The following XIRP2 variants were observed in gnomAD, a reference collection of about 807,000 sequenced individuals.
XIRP2 encodes xin actin binding repeat containing 2.
A neutral mutation model predicts 277.0 loss-of-function variants in XIRP2; 236 were observed. That is an observed-to-expected ratio of 0.85 (90% CI 0.77 to 0.95). The LOEUF is 0.95. Ranked by LOEUF, XIRP2 falls within the 40% of genes least tolerant of loss-of-function variation. XIRP2 has a pLI of 0.00. For synonymous variants in XIRP2, 1,490 were observed against 1,416.5 expected (o/e 1.05, Z -1.17); for missense variants, 4,640 against 4,157.5 (o/e 1.12, Z -3.19).
chr2:167,244,561 T>C lies in XIRP2; in HGVS notation c.3169T>C (p.Trp1057Arg). The C allele has an allele frequency of 1.9e-6, 3 of 1,612,920 alleles. No individual in the cohort carries two copies. Among genetic ancestry groups the C allele is most frequent in the Non-Finnish European group, 1.7e-6 (2 of 1,179,552 alleles). ...IQTGNVKSAK[W>R]LFETQPLDSI... ...GACTGGAAATGTGAAATCTGCCAAA[T>C]GGTTGTTTGAAACCCAACCTCTTGA... Residue 1057 changes from tryptophan to arginine, a missense_variant, in exon 9 of 11, where the codon TGG becomes CGG. Transcript: ENST00000409195.
intron 3 of XIRP2, among the ~76,000 whole-genome samples, chr2:167,186,829 C>A (rs1205030649): frequency 6.7e-6 from 1 of 150,260 alleles, no homozygotes; most frequent in Non-Finnish European, 1.5e-5. Context: ...TTTAACTAAA[C>A]CAGCACAGCC....
chr2:167,246,555 G>C lies in XIRP2; in HGVS notation c.5163G>C (p.Leu1721Phe). 6.2e-7 allele frequency: 1 copy of C among 1,613,700 alleles called. No individual in the cohort carries two copies. Among genetic ancestry groups the C allele is most frequent in the Non-Finnish European group, 8.5e-7 (1 of 1,179,794 alleles). Residue 1721 changes from leucine to phenylalanine, a missense_variant, in exon 9 of 11, where the codon TTG becomes TTC. By Grantham distance (22) the Leu-to-Phe change is conservative. Coordinates refer to ENST00000409195, the MANE Select transcript of XIRP2 (RefSeq NM_152381.6). ...GDVKRTIHNL[L>F]SSTSNNKISE... ...TCAAACGTACCATTCATAATTTATTGTCTTCCACATCAAACAATAAAATAT... is the reference window on the plus strand; with the variant it reads ...TCAAACGTACCATTCATAATTTATTCTCTTCCACATCAAACAATAAAATAT...
intron 3 of XIRP2, among the ~76,000 whole-genome samples, chr2:167,146,491 ACT>A (rs1449741397): frequency 6.7e-6 from 1 of 150,152 alleles, no homozygotes; most frequent in Non-Finnish European, 1.5e-5. Flanking sequence ...ACAGAACAAG[ACT>A]CTGTCTCAAA....
chr2:167,234,944 A>T (rs1463605944), intron 5 of XIRP2, among the ~76,000 whole-genome samples: 1 of 151,936 alleles, frequency 6.6e-6, no homozygotes, highest in South Asian at 2.1e-4. Flanking sequence ...CCATTAACTC[A>T]GTGAATAACA....
Position 166,903,859 on chromosome 2 carries a change from GT to G in XIRP2, c.378del (p.Ser126ArgfsTer36). Reference protein sequence around the residue: ...ELRSVFEAPKSGNKPAEYGGK... With the variant: ...ELRSVFEAPKXGNKPAEYGGK... ...AGGAGTGTGTTTGAGGCTCCTAAGA[GT>G]GGAAACAAACCAGCTGAGTACGGTG... is the stretch of plus-strand genomic sequence containing the variant. On this transcript the variant is annotated frameshift_variant, in exon 2 of 11. Coordinates refer to ENST00000409195, the MANE Select transcript of XIRP2 (RefSeq NM_152381.6). LOFTEE classifies it high-confidence loss of function. 2 of 1,613,512 alleles carry G rather than the reference GT, an allele frequency of 1.2e-6. No individual in the cohort carries two copies. Among genetic ancestry groups the G allele is most frequent in the Non-Finnish European group, 1.7e-6 (2 of 1,179,620 alleles).
intron 2 of XIRP2, among the ~76,000 whole-genome samples, chr2:167,011,111 G>A (rs1403464987): frequency 6.7e-6 from 1 of 149,300 alleles, no homozygotes; most frequent in Non-Finnish European, 1.5e-5. Flanking sequence ...ACACTATGTT[G>A]AATAGGAGTG....
intron 2 of XIRP2, among the ~76,000 whole-genome samples, chr2:167,047,954 C>G (rs1688827142): frequency 6.6e-6 from 1 of 151,898 alleles, no homozygotes; most frequent in Non-Finnish European, 1.5e-5. Context: ...ACCAAACTCA[C>G]CTCAATATTA....
chr2:167,251,879 A>G lies in XIRP2; in HGVS notation c.10487A>G (p.Tyr3496Cys), dbSNP rs1361923866. 2 of 1,606,432 alleles carry G rather than the reference A, an allele frequency of 1.2e-6. No homozygotes were observed. Among genetic ancestry groups the G allele is most frequent in the East Asian group, 2.2e-5 (1 of 44,832 alleles). Residue 3496 changes from tyrosine (Y) to cysteine (C), a missense_variant, in exon 9 of 11, where the codon TAT (tyrosine) becomes TGT (cysteine). Physicochemically the swap from Tyr to Cys is radical, Grantham distance 194 (BLOSUM62 -2). Transcript: ENST00000409195. ...ESGRVFKGLGYATADASATEM... is the reference protein window; with the variant it reads ...ESGRVFKGLGCATADASATEM... The stretch of plus-strand genomic sequence containing the variant: ...GGAAGAGTTTTTAAAGGCCTGGGAT[A>G]TGCAACCGCAGATGCTTCTGCAACT...
chr2:166,922,211 G>T (rs1459110762), intron 2 of XIRP2, among the ~76,000 whole-genome samples: 1 of 152,056 alleles, frequency 6.6e-6, no homozygotes, highest in Admixed American at 6.6e-5. Context: ...CTTCCCTGTT[G>T]CATTGACCCT....
At chr2:167,211,487 CAA>C (rs2105390339) in intron 4 of XIRP2, among the ~76,000 whole-genome samples, 1 of 152,282 alleles carries the variant, frequency 6.6e-6, no homozygotes, top group African/African-American at 2.4e-5. Context: ...GGTGAGGAAT[CAA>C]AGAGACAATT....
chr2:166,973,464 T>G (rs1686628540), intron 2 of XIRP2, among the ~76,000 whole-genome samples: 1 of 152,156 alleles, frequency 6.6e-6, no homozygotes, highest in African/African-American at 2.4e-5. Context: ...CACAGATGAG[T>G]GCACTGAAAC....
chr2:167,135,138 T>G (rs969701704), intron 2 of XIRP2, among the ~76,000 whole-genome samples: 4 of 152,132 alleles, frequency 2.6e-5, no homozygotes, highest in Non-Finnish European at 4.4e-5. Flanking sequence ...AAACTAGACT[T>G]TTGCTTCTTG....
chr2:167,233,731 T>A (rs1207731548), intron 5 of XIRP2, among the ~76,000 whole-genome samples: 2 of 151,782 alleles, frequency 1.3e-5, no homozygotes, highest in Non-Finnish European at 3.0e-5. Context: ...AAACTTTTTA[T>A]CTGTAATTTC....
At chr2:166,898,264 C>T (rs2105331677) in intron 1 of XIRP2, among the ~76,000 whole-genome samples, 1 of 152,170 alleles carries the variant, frequency 6.6e-6, no homozygotes, top group South Asian at 2.1e-4. Flanking sequence ...AGCTATTTAT[C>T]AAGGAACATA....
At position 167,250,456 on chromosome 2, in the gene XIRP2, A is replaced by G. The variant is rs755925445; in HGVS notation, c.9064A>G (p.Met3022Val). 12 of 1,613,318 alleles carry G rather than the reference A, an allele frequency of 7.4e-6. No individual in the cohort carries two copies. Among genetic ancestry groups the G allele is most frequent in the Middle Eastern group, 1.6e-4 (1 of 6,078 alleles). The change falls in exon 9 of 11, where the codon ATG becomes GTG. Residue 3022 changes from methionine (M) to valine (V), a missense_variant. Physicochemically the swap from Met to Val is conservative, Grantham distance 21 (BLOSUM62 1). Coordinates refer to ENST00000409195, the MANE Select transcript of XIRP2 (RefSeq NM_152381.6). ...ITHIKTQAED[M>V]LVSYENIIQT... ...ACATATTAAAACTCAAGCGGAAGAT[A>G]TGCTTGTGTCCTATGAAAATATAAT...
intron 2 of XIRP2, among the ~76,000 whole-genome samples, chr2:166,987,716 G>T (rs1019282004): frequency 4.6e-5 from 7 of 152,170 alleles, no homozygotes; most frequent in African/African-American, 1.7e-4. Flanking sequence ...GAATGTGCCA[G>T]ATGGTTTGGA....
At chr2:167,100,785 T>G (rs1183803500) in intron 2 of XIRP2, among the ~76,000 whole-genome samples, 2 of 152,188 alleles carry the variant, frequency 1.3e-5, no homozygotes, top group Non-Finnish European at 2.9e-5. Flanking sequence ...TGCCTCTCCC[T>G]TCTTCTTCCA....
intron 8 of XIRP2, among the ~76,000 whole-genome samples, chr2:167,242,177 A>G (rs1695091979): frequency 6.6e-6 from 1 of 152,224 alleles, no homozygotes; most frequent in African/African-American, 2.4e-5. Context: ...AATCAATTTT[A>G]AATGCCAGAT....
chr2:167,004,224 A>G (rs917089368), intron 2 of XIRP2, among the ~76,000 whole-genome samples: 2 of 151,878 alleles, frequency 1.3e-5, no homozygotes, highest in East Asian at 1.9e-4. Flanking sequence ...TGCCAGTCAT[A>G]TTTTAGCTGC....
Sources: gnomAD v4.1 joint callset for allele counts (sites outside exome capture counted in the v4.1 genomes callset) on GRCh38, gnomAD v4.1.1 for gene constraint, MANE v1.5 for transcripts, NCBI Gene and HGNC (gene_info 2026-07-23, HGNC 2026-07-21) for gene names.